PRKCQ: variants seen among roughly 807,000 people sequenced by gnomAD.
PRKCQ encodes the protein protein kinase C theta, also known as protein kinase C theta type.
A neutral mutation model predicts 91.2 loss-of-function variants in PRKCQ; 41 were observed. That is an observed-to-expected ratio of 0.45 (90% CI 0.35 to 0.58). The LOEUF (loss-of-function observed/expected upper bound fraction) is 0.58. Ranked by LOEUF, PRKCQ falls within the 20% of genes least tolerant of loss-of-function variation. PRKCQ has a pLI of 0.00. For missense variants in PRKCQ, 673 were observed against 896.5 expected (o/e 0.75, Z 3.18); for synonymous variants, 307 against 316.9 (o/e 0.97, Z 0.33).
chr10:6,408,057 T>G, the PRKCQ span, among the ~76,000 whole-genome samples: 63 of 142,754 alleles, frequency 4.4e-4, no homozygotes, highest in East Asian at 0.011. Context: ...TTTTTTTTTT[T>G]TTTTTTTTTT....
chr10:6,473,060 CT>C (rs1432589073), intron 12 of PRKCQ, among the ~76,000 whole-genome samples: 3 of 152,150 alleles, frequency 2.0e-5, no homozygotes, highest in African/African-American at 7.2e-5. Flanking sequence ...TTACCTTTTC[CT>C]TTTTTTGTCC....
rs79278237 is a variant in PRKCQ at position 6,496,936 on chromosome 10, G to A, written c.660+99C>T. The A allele has an allele frequency of 3.1e-4, 321 of 1,052,212 alleles. 1 individual carries two copies. The African/African-American group carries it at 4.6e-3, about 15-fold the overall frequency. The allele number at this position is 1,052,212 out of a possible 1,614,324, so 65.2% of individuals were successfully genotyped here. ...GATGGATGTTCACTGATAAATGGGA[G>A]GATGCAAGTTCTGGCATTATTCTGA... On this transcript the variant is annotated intron_variant, in intron 7 of 17. Coordinates refer to ENST00000263125, the MANE Select transcript of PRKCQ (RefSeq NM_006257.5).
chr10:6,489,120 T>C (rs1258675658), intron 8 of PRKCQ, among the ~76,000 whole-genome samples: 7 of 152,026 alleles, frequency 4.6e-5, no homozygotes, highest in African/African-American at 1.7e-4. Context: ...TTTTTCATGA[T>C]TGTGCTCCAA....
intron 1 of PRKCQ, among the ~76,000 whole-genome samples, chr10:6,532,436 C>T (rs927717446): frequency 1.3e-5 from 2 of 152,166 alleles, no homozygotes; most frequent in African/African-American, 4.8e-5. Flanking sequence ...AGAGACATTG[C>T]TTGAAATGTG....
At chr10:6,456,061 G>A (rs966343777) in intron 15 of PRKCQ, among the ~76,000 whole-genome samples, 6 of 151,994 alleles carry the variant, frequency 3.9e-5, no homozygotes, top group Non-Finnish European at 7.4e-5. Context: ...AAGGGGGGAG[G>A]TGGGTTTAGT....
intron 2 of PRKCQ, among the ~76,000 whole-genome samples, chr10:6,513,182 C>T (rs1282147437): frequency 6.6e-6 from 1 of 152,184 alleles, no homozygotes; most frequent in Non-Finnish European, 1.5e-5. Flanking sequence ...CCTGTTTGTC[C>T]TTGTTCTGTT....
intron 1 of PRKCQ, among the ~76,000 whole-genome samples, chr10:6,570,367 ATTC>A (rs563946176): frequency 0.01 from 1,527 of 152,182 alleles, 16 homozygotes; most frequent in South Asian, 0.026. Context: ...AAGGATATAT[ATTC>A]TTTTTTTCAC....
At chr10:6,467,317 G>GAC (rs1835710229) in intron 12 of PRKCQ, among the ~76,000 whole-genome samples, 1 of 134,948 alleles carries the variant, frequency 7.4e-6, no homozygotes, top group African/African-American at 2.6e-5. Flanking sequence ...GAGAGAGAGA[G>GAC]AGACAGAGAG....
chr10:6,490,585 A>C (rs1414465141), intron 8 of PRKCQ, among the ~76,000 whole-genome samples: 2 of 143,706 alleles, frequency 1.4e-5, no homozygotes, highest in Non-Finnish European at 3.1e-5. Flanking sequence ...ACAAAGAAAA[A>C]CAAAAAAAAC....
chr10:6,406,037 T>G, the PRKCQ span, among the ~76,000 whole-genome samples: 1 of 152,226 alleles, frequency 6.6e-6, no homozygotes, highest in Non-Finnish European at 1.5e-5. Flanking sequence ...CCATTTGTTT[T>G]GGGCCTTTGT....
At position 6,486,116 on chromosome 10, in the gene PRKCQ, G is replaced by A; in HGVS notation, c.819C>T (p.Cys273=). 1 of 1,614,144 alleles carries A rather than the reference G, an allele frequency of 6.2e-7. No individual in the cohort carries two copies. The highest frequency in any genetic ancestry group is 2.2e-5 in the East Asian group (1 of 44,880). The change falls in exon 9 of 18, where the codon TGC becomes TGT. Residue 273 remains cysteine (C), a synonymous_variant. Coordinates refer to ENST00000263125, the MANE Select transcript of PRKCQ (RefSeq NM_006257.5). ...DACGMNVHHR[C]QTKVANLCGI... ...CACAAAGGTTGGCCACCTTTGTCTG[G>A]CATCTATGATGCACATTCATGCCAC...
chr10:6,416,202 TTA>T, the PRKCQ span, among the ~76,000 whole-genome samples: 4 of 146,872 alleles, frequency 2.7e-5, no homozygotes, highest in Admixed American at 2.1e-4. Flanking sequence ...TCTTCTTTTT[TTA>T]AAATTTAATT....
In PRKCQ at chr10:6,450,160, C is replaced by T. The variant is rs575825654; in HGVS notation, c.1647+6514G>A. Among the ~76,000 whole-genome samples the T allele has an allele frequency of 6.4e-3, 955 of 149,670 alleles. 12 individuals carry two copies. Among genetic ancestry groups the T allele is most frequent in the African/African-American group, 0.022 (909 of 40,460 alleles). On this transcript the variant is annotated intron_variant, in intron 15 of 17. Transcript: ENST00000263125. Reference sequence around the variant, plus strand: ...TGGCAAATTGGATAAAGAGTCAAGACCCATCAGTGTGCTGTATTCAGGAAA... The same window carrying T: ...TGGCAAATTGGATAAAGAGTCAAGATCCATCAGTGTGCTGTATTCAGGAAA...
At chr10:6,426,391 G>A (rs537376591), downstream of PRKCQ, among the ~76,000 whole-genome samples, 1 of 152,170 alleles carries the variant, frequency 6.6e-6, no homozygotes, top group Non-Finnish European at 1.5e-5. Flanking sequence ...CCCATCCAGG[G>A]CCTTAAAGGA....
intron 1 of PRKCQ, among the ~76,000 whole-genome samples, chr10:6,544,485 G>T (rs755594873): frequency 1.4e-4 from 21 of 152,168 alleles, no homozygotes; most frequent in Non-Finnish European, 2.9e-4. Context: ...TTAGGCCAAG[G>T]ACATTGATAA....
chr10:6,490,749 C>T (rs1415881130), intron 8 of PRKCQ, among the ~76,000 whole-genome samples: 1 of 151,950 alleles, frequency 6.6e-6, no homozygotes. Flanking sequence ...GAGACCCTGT[C>T]TCAGAAAAAA....
chr10:6,400,658 G>T, the PRKCQ span, among the ~76,000 whole-genome samples: 1 of 146,166 alleles, frequency 6.8e-6, no homozygotes, highest in Non-Finnish European at 1.5e-5. Context: ...GCTCATTTTA[G>T]CTAGTAAATT....
the PRKCQ span, among the ~76,000 whole-genome samples, chr10:6,411,004 T>C: frequency 0.99 from 145,990 of 147,782 alleles, 72,130 homozygotes; most frequent in Non-Finnish European, 1. Flanking sequence ...AAAAGGTCCA[T>C]TCCAAGATGC....
intron 16 of PRKCQ, among the ~76,000 whole-genome samples, chr10:6,438,736 T>C (rs958671668): frequency 6.6e-6 from 1 of 152,120 alleles, no homozygotes; most frequent in Non-Finnish European, 1.5e-5. Flanking sequence ...GCTGAGACCA[T>C]AGGCGCCAGC....
Sources: gnomAD v4.1 joint callset for allele counts (sites outside exome capture counted in the v4.1 genomes callset) on GRCh38, gnomAD v4.1.1 for gene constraint, MANE v1.5 for transcripts, NCBI Gene and HGNC (gene_info 2026-07-23, HGNC 2026-07-21) for gene names.